Variants in TACC2 observed in about 807,000 individuals in gnomAD.
TACC2 encodes the protein transforming acidic coiled-coil containing protein 2.
TACC2 carries 137 observed loss-of-function variants against 227.3 expected under a neutral mutation model. The observed-to-expected ratio is 0.60, with a 90% CI of 0.52 to 0.69. The LOEUF (loss-of-function observed/expected upper bound fraction) is 0.69. TACC2 is among the 30% of genes least tolerant of loss of function. The pLI is 0.00. For missense variants in TACC2, 3,470 were observed against 3,694.4 expected (o/e 0.94, Z 1.57); for synonymous variants, 1,523 against 1,487.5 (o/e 1.02, Z -0.55).
chr10:122,206,666 A>C (rs1241505271), intron 8 of TACC2, among the ~76,000 whole-genome samples: 1 of 152,206 alleles, frequency 6.6e-6, no homozygotes, highest in African/African-American at 2.4e-5. Flanking sequence ...AAGCTCATGT[A>C]ACTGGGATAC....
At position 122,088,003 on chromosome 10, in the gene TACC2, C is replaced by G. The variant is rs751436450; in HGVS notation, c.5459+44C>G. The G allele has an allele frequency of 3.4e-6, 5 of 1,477,890 alleles. No individual in the cohort carries two copies. The South Asian group carries it at 6.1e-5, about 18-fold the overall frequency. The allele number at this position is 1,477,890 out of a possible 1,614,324, so 91.5% of individuals were successfully genotyped here. A position where few individuals can be genotyped will look rare whatever the true frequency, so the allele number is the denominator to read the frequency against. On this transcript the variant is annotated intron_variant, in intron 4 of 22. Coordinates refer to ENST00000369005, the MANE Select transcript of TACC2 (RefSeq NM_206862.4). ...TCCCACGGGAATGTGTGGTCAGTTT[C>G]AAAGGTGATTCCCAGCCTGATTTTT... is the stretch of plus-strand genomic sequence containing the variant.
At chr10:122,122,879 A>G (rs1295928229) in intron 5 of TACC2, among the ~76,000 whole-genome samples, 4 of 152,220 alleles carry the variant, frequency 2.6e-5, no homozygotes, top group East Asian at 1.9e-4. Context: ...TAAATGTGCT[A>G]TAATATTTCA....
chr10:122,252,476 T>C (rs1255876155), intron 22 of TACC2, among the ~76,000 whole-genome samples: 1 of 151,248 alleles, frequency 6.6e-6, no homozygotes, highest in East Asian at 1.9e-4. Context: ...ATAGTGGCAA[T>C]GAGAGTTTTT....
intron 6 of TACC2, among the ~76,000 whole-genome samples, chr10:122,138,674 G>C (rs1438216022): frequency 6.6e-6 from 1 of 152,184 alleles, no homozygotes; most frequent in African/African-American, 2.4e-5. Context: ...AGCACCCAGC[G>C]TGCTGAGTGA....
chr10:122,092,899 T>A (rs552223592), intron 5 of TACC2, among the ~76,000 whole-genome samples: 1 of 152,370 alleles, frequency 6.6e-6, no homozygotes, highest in Non-Finnish European at 1.5e-5. Context: ...TTCAGGTTGT[T>A]CTGCAGAAGG....
chr10:122,042,454 G>A (rs1285272479), intron 2 of TACC2, among the ~76,000 whole-genome samples: 2 of 151,942 alleles, frequency 1.3e-5, no homozygotes, highest in Non-Finnish European at 2.9e-5. Flanking sequence ...TGTTGGCCAG[G>A]CTGGTCTCGA....
rs2096301482 is a variant in TACC2 at position 122,254,408 on chromosome 10, C to T, written c.*352C>T. 3.5e-6 allele frequency: 1 copy of T among 286,246 alleles called. No individual in the cohort carries two copies. Among genetic ancestry groups the T allele is most frequent in the Non-Finnish European group, 6.7e-6 (1 of 149,550 alleles). The allele number at this position is 286,246 out of a possible 1,614,324, so 17.7% of individuals were successfully genotyped here. The stretch of plus-strand genomic sequence containing the variant: ...TTGGATTTAATATGAACATGTACAG[C>T]GTGCATAGGGACTCTTGCCTTAAGG... On this transcript the variant is annotated 3_prime_UTR_variant, in exon 23 of 23. Transcript: ENST00000369005.
chr10:122,229,247 A>G, intron 14 of TACC2, 99 bp from the exon 15 acceptor site: 1 of 1,461,950 alleles, frequency 6.8e-7, no homozygotes, highest in Non-Finnish European at 9.4e-7. Context: ...TCAAGGCAAA[A>G]ATGTCCAGCA....
At chr10:122,213,658 G>GA (rs2095342842) in intron 9 of TACC2, among the ~76,000 whole-genome samples, 1 of 152,200 alleles carries the variant, frequency 6.6e-6, no homozygotes, top group Non-Finnish European at 1.5e-5. Flanking sequence ...CATATTGGAT[G>GA]TCTTCATCTG....
At position 122,180,212 on chromosome 10, in the gene TACC2, G is replaced by A. The variant is rs970498885; in HGVS notation, c.5835-14828G>A. On this transcript the variant is annotated intron_variant, in intron 7 of 22. Transcript: ENST00000369005. The surrounding 1 kb of genome is among the most constrained non-coding windows in gnomAD (Gnocchi z 4.5). ...GGGTCTCCTGGCAAACTTTCTCCTC[G>A]TTGCCTGCTTTGTTTTCTTAAATGG... 4.6e-5 allele frequency among the ~76,000 whole-genome samples: 7 copies of A among 151,998 alleles called. No individual in the cohort carries two copies. The highest frequency in any genetic ancestry group is 7.3e-5 in the African/African-American group (3 of 41,378).
intron 1 of TACC2, among the ~76,000 whole-genome samples, chr10:122,017,262 G>C (rs1439384606): frequency 2.0e-5 from 3 of 152,128 alleles, no homozygotes; most frequent in Admixed American, 1.3e-4. Context: ...TTTCTGGAGG[G>C]TGCTTTTTGG....
At chr10:122,227,814 A>C (rs1475591274) in intron 13 of TACC2, 23 bp from the exon 14 acceptor site, 1 of 1,598,690 alleles carries the variant, frequency 6.3e-7, no homozygotes, top group East Asian at 2.2e-5. Context: ...AGACTAAAGA[A>C]AGATGCCCTT....
At chr10:122,135,167 G>A (rs1457086045) in intron 6 of TACC2, among the ~76,000 whole-genome samples, 1 of 152,184 alleles carries the variant, frequency 6.6e-6, no homozygotes, top group Non-Finnish European at 1.5e-5. Context: ...GACTGCAGCA[G>A]CTCTGGCCCG....
chr10:122,062,519 G>A (rs1451881840), intron 3 of TACC2, among the ~76,000 whole-genome samples: 2 of 147,928 alleles, frequency 1.4e-5, no homozygotes, highest in East Asian at 4.0e-4. Context: ...TCTCCATATT[G>A]GTCAGGCTGG....
intron 9 of TACC2, 69 bp from the exon 10 acceptor site, chr10:122,215,322 C>T (rs1039926692): frequency 2.2e-5 from 32 of 1,426,996 alleles, no homozygotes; most frequent in African/African-American, 4.2e-5. Flanking sequence ...AGCTTCGGTC[C>T]GCTCTGTACT....
At chr10:122,079,349 C>T (rs559458904) in intron 3 of TACC2, among the ~76,000 whole-genome samples, 58 of 152,308 alleles carry the variant, frequency 3.8e-4, no homozygotes, top group African/African-American at 1.2e-3. Context: ...TCAGCCCACT[C>T]GGGCCAGGGC....
intron 18 of TACC2, among the ~76,000 whole-genome samples, chr10:122,239,818 G>A (rs1007548274): frequency 1.3e-5 from 2 of 152,214 alleles, no homozygotes; most frequent in African/African-American, 4.8e-5. Flanking sequence ...TAGCCCGAAT[G>A]TCAGCCCGTC....
intron 7 of TACC2, among the ~76,000 whole-genome samples, chr10:122,154,497 A>G (rs960851040): frequency 1.3e-5 from 2 of 152,258 alleles, no homozygotes; most frequent in Non-Finnish European, 2.9e-5. Flanking sequence ...GCAGGCTGTT[A>G]GGAAACCTTG....
intron 22 of TACC2, among the ~76,000 whole-genome samples, chr10:122,250,796 T>C (rs1433960240): frequency 2.0e-5 from 3 of 152,092 alleles, no homozygotes; most frequent in Non-Finnish European, 4.4e-5. Context: ...GTTGGGCAGA[T>C]GGATTTCCCT....
Sources: gnomAD v4.1 joint callset for allele counts (sites outside exome capture counted in the v4.1 genomes callset) on GRCh38, gnomAD v4.1.1 for gene constraint, Gnocchi (gnomAD v3.1) non-coding constraint, MANE v1.5 for transcripts, NCBI Gene and HGNC (gene_info 2026-07-23, HGNC 2026-07-21) for gene names.